Variants in FAHD2B observed in about 807,000 individuals in gnomAD.
FAHD2B encodes oxaloacetate tautomerase FAHD2B, mitochondrial.
Under a neutral mutation model 33.7 loss-of-function variants are expected in FAHD2B, and 26 were observed. That is an observed-to-expected ratio of 0.77 (90% confidence interval 0.57 to 1.07). The LOEUF (loss-of-function observed/expected upper bound fraction) is 1.07, where lower values mean the gene tolerates loss of function less well. Ranked by LOEUF, FAHD2B falls within the 50% of genes least tolerant of loss-of-function variation. FAHD2B has a pLI of 0.00. For missense variants in FAHD2B, 272 were observed against 388.1 expected, an observed-to-expected ratio of 0.70 and a Z score of 2.51; for synonymous variants, 108 against 150.9, an observed-to-expected ratio of 0.72 and a Z score of 2.08.
chr2:97,082,595 T>A, downstream of FAHD2B: 1 of 1,575,830 alleles, frequency 6.3e-7, no homozygotes, highest in Non-Finnish European at 8.7e-7. Context: ...TTCTGTCCAG[T>A]CTGAGTTCTA....
chr2:97,093,894 G>C (rs2032508285), intron 1 of FAHD2B, among the ~76,000 whole-genome samples: 1 of 152,130 alleles, frequency 6.6e-6, no homozygotes, highest in African/African-American at 2.4e-5. Context: ...AAGCTAGGAG[G>C]GGAGGGAGCT....
In FAHD2B at chr2:97,083,683, C is replaced by T; in HGVS notation, c.*72G>A. 1 of 1,612,894 alleles carries T rather than the reference C, an allele frequency of 6.2e-7. No individual in the cohort carries two copies. Among genetic ancestry groups the T allele is most frequent in the Non-Finnish European group, 8.5e-7 (1 of 1,179,618 alleles). ...GGCTGGCACCTGCCCACACCTGCCA[C>T]TGGGCCTTTCCCTGGGCTAGGCTGA... On this transcript the variant is annotated 3_prime_UTR_variant, in exon 9 of 9. Coordinates refer to ENST00000414820, the MANE Select transcript of FAHD2B (RefSeq NM_001320848.2).
Position 97,091,887 on chromosome 2 carries a change from T to G in FAHD2B, c.-31A>C. 1 of 924,756 alleles carries G rather than the reference T, an allele frequency of 1.1e-6. No individual in the cohort carries two copies. Among genetic ancestry groups the G allele is most frequent in the Non-Finnish European group, 1.6e-6 (1 of 640,482 alleles). The allele number at this position is 924,756 out of a possible 1,614,324, so 57.3% of individuals were successfully genotyped here. On this transcript the variant is annotated 5_prime_UTR_variant, in exon 2 of 9. Transcript: ENST00000414820. ...CCTGCTATACTTCATAAGGTGAAAC[T>G]TTTGTAGAGGAGCAACTACTACATG...
intron 4 of FAHD2B, among the ~76,000 whole-genome samples, chr2:97,087,448 A>G (rs1245452048): frequency 6.6e-6 from 1 of 152,088 alleles, no homozygotes; most frequent in Non-Finnish European, 1.5e-5. Flanking sequence ...CCATAATCCC[A>G]GCACTTTGGG....
intron 4 of FAHD2B, among the ~76,000 whole-genome samples, chr2:97,088,771 A>T (rs2032156481): frequency 6.6e-6 from 1 of 151,984 alleles, no homozygotes. Flanking sequence ...GGGCAACTGG[A>T]TTTCATATTA....
intron 5 of FAHD2B, 103 bp downstream of exon 5, chr2:97,086,036 G>C (rs2031959573): frequency 5.4e-6 from 7 of 1,307,644 alleles, no homozygotes; most frequent in Non-Finnish European, 6.5e-6. Context: ...TAGTGTCAGG[G>C]ACAGCTGGTG....
At chr2:97,089,110 C>T (rs2032174353) in intron 4 of FAHD2B, among the ~76,000 whole-genome samples, 1 of 151,816 alleles carries the variant, frequency 6.6e-6, no homozygotes, top group Admixed American at 6.6e-5. Flanking sequence ...TATACACTAA[C>T]GATGGATGTG....
At chr2:97,084,545 G>T (rs1221887328) in intron 6 of FAHD2B, among the ~76,000 whole-genome samples, 1 of 151,848 alleles carries the variant, frequency 6.6e-6, no homozygotes, top group East Asian at 1.9e-4. Flanking sequence ...GAGAAAAATG[G>T]CTAGGGTTTT....
chr2:97,093,653 T>G (rs1156273168), intron 1 of FAHD2B, among the ~76,000 whole-genome samples: 1 of 151,954 alleles, frequency 6.6e-6, no homozygotes, highest in South Asian at 2.1e-4. Flanking sequence ...TTTTGTATTT[T>G]TAGTAGAGAC....
At position 97,090,090 on chromosome 2, in the gene FAHD2B, G is replaced by C. The variant is rs1257310016; in HGVS notation, c.462+19C>G. Reference sequence around the variant, plus strand: ...GTGATGGGCCCAGTGACTAGGGAGGGCAGTGGGGAGGCACTGACCTGGCTC... The same window carrying C: ...GTGATGGGCCCAGTGACTAGGGAGGCCAGTGGGGAGGCACTGACCTGGCTC... On this transcript the variant is annotated intron_variant, in intron 4 of 8. Coordinates refer to ENST00000414820, the MANE Select transcript of FAHD2B (RefSeq NM_001320848.2). 6.9e-7 allele frequency: 1 copy of C among 1,451,530 alleles called. No homozygotes were observed. The highest frequency in any genetic ancestry group is 9.4e-7 in the Non-Finnish European group (1 of 1,059,800). The allele number at this position is 1,451,530 out of a possible 1,614,324, so 89.9% of individuals were successfully genotyped here.
chr2:97,091,611 G>A lies in FAHD2B; in HGVS notation c.96C>T (p.Phe32=), dbSNP rs746578128. ...GAGGCCCCACCAGGTGGGGTGCCCGGAACTGCACTAGTCTCATGTCTCTGG... is the reference window on the plus strand; with the variant it reads ...GAGGCCCCACCAGGTGGGGTGCCCGAAACTGCACTAGTCTCATGTCTCTGG... ...QPSRDMRLVQ[F]RAPHLVGPHL... The change falls in exon 3 of 9, where the codon TTC becomes TTT. Residue 32 remains phenylalanine (F), a synonymous_variant. Transcript: ENST00000414820. 3.7e-6 allele frequency: 6 copies of A among 1,613,874 alleles called. 1 individual carries two copies. The South Asian group carries it at 6.6e-5, about 18-fold the overall frequency.
At position 97,083,867 on chromosome 2, in the gene FAHD2B, C is replaced by T. The variant is rs769759088; in HGVS notation, c.883-50G>A. On this transcript the variant is annotated intron_variant, in intron 8 of 8. Coordinates refer to ENST00000414820, the MANE Select transcript of FAHD2B (RefSeq NM_001320848.2). ...TGTCAGCCCTTCCGTCAGACACATA[C>T]ACAAGCCTGTACTTCTCAAGTCTGA... 4 of 1,614,016 alleles carry T rather than the reference C, an allele frequency of 2.5e-6. No homozygotes were observed. In the South Asian group the frequency reaches 4.4e-5, roughly 18 times the overall value.
At chr2:97,088,213 T>C (rs2032113944) in intron 4 of FAHD2B, among the ~76,000 whole-genome samples, 1 of 152,128 alleles carries the variant, frequency 6.6e-6, no homozygotes, top group Non-Finnish European at 1.5e-5. Flanking sequence ...CAGAGTTGAA[T>C]TGTTGCAAAA....
intron 5 of FAHD2B, 97 bp downstream of exon 5, chr2:97,086,042 T>C: frequency 1.5e-6 from 2 of 1,362,114 alleles, no homozygotes; most frequent in Non-Finnish European, 2.1e-6. Flanking sequence ...CAGGGACAGC[T>C]GGTGCCGTGT....
intron 3 of FAHD2B, 63 bp from the exon 4 acceptor site, chr2:97,090,388 T>C: frequency 1.4e-6 from 2 of 1,472,162 alleles, no homozygotes; most frequent in South Asian, 2.9e-5. Context: ...CCGGGCAGGC[T>C]GGGCAGATCC....
At chr2:97,083,093 G>C, downstream of FAHD2B, 5 of 1,498,820 alleles carry the variant, frequency 3.3e-6, no homozygotes, top group Non-Finnish European at 4.4e-6. Context: ...GAGCCATGCA[G>C]ACACAGTCCC....
At chr2:97,079,617 G>A (rs1176169407), downstream of FAHD2B, among the ~76,000 whole-genome samples, 2 of 149,998 alleles carry the variant, frequency 1.3e-5, no homozygotes, top group Non-Finnish European at 3.0e-5. Flanking sequence ...TTTTTAGTGG[G>A]GTTGTTTTGA....
At chr2:97,081,033 C>T (rs546861935), downstream of FAHD2B, 7 of 1,381,272 alleles carry the variant, frequency 5.1e-6, no homozygotes, top group African/African-American at 5.9e-5. Context: ...TTCTGGAGGC[C>T]GAGGTGGGAT....
chr2:97,082,380 GGTC>G (rs2031677948), downstream of FAHD2B: 1 of 1,613,416 alleles, frequency 6.2e-7, no homozygotes, highest in African/African-American at 1.3e-5. Flanking sequence ...GCCAGGTCTA[GGTC>G]TTCTCTCTTC....
Sources: gnomAD v4.1 joint callset for allele counts (sites outside exome capture counted in the v4.1 genomes callset) on GRCh38, gnomAD v4.1.1 for gene constraint, MANE v1.5 for transcripts, NCBI Gene and HGNC (gene_info 2026-07-23, HGNC 2026-07-21) for gene names.